Variants in RBFOX1 observed in about 807,000 individuals in gnomAD.
The protein encoded by RBFOX1 is RNA binding fox-1 homolog 1.
Under a neutral mutation model 57.7 loss-of-function variants are expected in RBFOX1, and 8 were observed. That is an observed-to-expected ratio of 0.14 (90% CI 0.08 to 0.25). RBFOX1 has a LOEUF of 0.25. Among genes scored for constraint, RBFOX1 ranks in the 10% least tolerant of loss-of-function variants. RBFOX1 has a pLI of 1.00. For missense variants in RBFOX1, 611 were observed against 548.5 expected (o/e 1.11, Z -1.14); for synonymous variants, 326 against 222.4 (o/e 1.47, Z -4.15).
chr16:6,408,897 A>G (rs1450706821), intron 2 of RBFOX1, among the ~76,000 whole-genome samples: 3 of 152,088 alleles, frequency 2.0e-5, no homozygotes, highest in Admixed American at 6.5e-5. Context: ...CTCTTCATGT[A>G]ATTAATCATT....
At chr16:6,659,596 A>G (rs2098688468) in intron 3 of RBFOX1, among the ~76,000 whole-genome samples, 1 of 152,144 alleles carries the variant, frequency 6.6e-6, no homozygotes, top group African/African-American at 2.4e-5. Flanking sequence ...TCACTCAAGC[A>G]TGAGACCAGG....
At chr16:5,549,546 C>G (rs1217702347) in intron 2 of RBFOX1, among the ~76,000 whole-genome samples, 1 of 152,148 alleles carries the variant, frequency 6.6e-6, no homozygotes, top group Non-Finnish European at 1.5e-5. Flanking sequence ...ACAGTCAGTT[C>G]TGTGATAGCG....
In RBFOX1 at chr16:5,310,260, G is replaced by A. The variant is rs557177645; in HGVS notation, c.219+70155G>A. Among the ~76,000 whole-genome samples the A allele has an allele frequency of 6.6e-5, 10 of 152,190 alleles. No homozygotes were observed. The South Asian group carries it at 1.9e-3, about 28-fold the overall frequency. Reference sequence around the variant, plus strand: ...CTACAAAAAATACAAAAATTAGCTGGGCATAGTAGTGCACACCTGTAGTCC... The same window carrying A: ...CTACAAAAAATACAAAAATTAGCTGAGCATAGTAGTGCACACCTGTAGTCC... On this transcript the variant is annotated intron_variant, in intron 1 of 2. Coordinates refer to the RBFOX1 transcript ENST00000585867.
chr16:5,485,345 C>CAAAAAAAAAAAAAAAAA (rs71142624), intron 2 of RBFOX1, among the ~76,000 whole-genome samples: 5 of 51,666 alleles, frequency 9.7e-5, no homozygotes, highest in African/African-American at 1.4e-4. Context: ...GACTCCGTGT[C>CAAAAAAAAAAAAAAAAA]AAAAAAAAAA....
At chr16:6,749,761 A>G (rs1021827695) in intron 3 of RBFOX1, among the ~76,000 whole-genome samples, 1 of 152,204 alleles carries the variant, frequency 6.6e-6, no homozygotes, top group African/African-American at 2.4e-5. Flanking sequence ...AAAGTTTTTC[A>G]GTGTTAACAG....
At chr16:5,523,162 T>G (rs868243199) in intron 2 of RBFOX1, among the ~76,000 whole-genome samples, 20 of 152,142 alleles carry the variant, frequency 1.3e-4, no homozygotes, top group Non-Finnish European at 1.2e-4. Flanking sequence ...GGTGCATGCC[T>G]GTAATTCCAG....
chr16:6,200,367 G>C (rs1444876108), intron 1 of RBFOX1, among the ~76,000 whole-genome samples: 2 of 151,866 alleles, frequency 1.3e-5, no homozygotes, highest in African/African-American at 4.8e-5. Flanking sequence ...GATGTAGTAG[G>C]GTCACCTGAT....
Position 6,174,184 on chromosome 16 carries a change from G to A in RBFOX1, c.-126-142811G>A, listed in dbSNP as rs370600731. On this transcript the variant is annotated intron_variant, in intron 1 of 15. Coordinates refer to ENST00000550418, the MANE Select transcript of RBFOX1 (RefSeq NM_018723.4). ...TGGGTACACTTTGCCTTTATTCCTC[G>A]AATTTGCTGGTTTTTTGGTTTCAGA... Among the ~76,000 whole-genome samples, 103 of 152,214 alleles carry A rather than the reference G, an allele frequency of 6.8e-4. 3 individuals are homozygous for A. In the South Asian group the frequency reaches 0.021, roughly 32 times the overall value.
At chr16:5,835,290 C>G (rs914267136) in intron 3 of RBFOX1, among the ~76,000 whole-genome samples, 12 of 152,154 alleles carry the variant, frequency 7.9e-5, no homozygotes, top group Non-Finnish European at 1.8e-4. Flanking sequence ...AGCCATGCGT[C>G]CCACCACATG....
intron 3 of RBFOX1, among the ~76,000 whole-genome samples, chr16:7,032,489 T>A (rs1420308665): frequency 6.6e-6 from 1 of 152,042 alleles, no homozygotes; most frequent in Non-Finnish European, 1.5e-5. Flanking sequence ...CCATCTTAAT[T>A]TTTTAAAGGA....
At chr16:6,927,734 C>T (rs1217479018) in intron 3 of RBFOX1, among the ~76,000 whole-genome samples, 1 of 151,942 alleles carries the variant, frequency 6.6e-6, no homozygotes, top group African/African-American at 2.4e-5. Flanking sequence ...AAGTCAGTGC[C>T]CTATGTAAGG....
intron 4 of RBFOX1, among the ~76,000 whole-genome samples, chr16:7,203,893 C>G (rs1343371753): frequency 1.3e-5 from 2 of 152,204 alleles, no homozygotes; most frequent in Non-Finnish European, 2.9e-5. Context: ...GGGCTGAAGT[C>G]AGAACTAGTC....
rs527611310 is a variant in RBFOX1, at chr16:6,897,070, G to T, written c.-15-154987G>T. On this transcript the variant is annotated intron_variant, in intron 3 of 15. Coordinates refer to ENST00000550418, the MANE Select transcript of RBFOX1 (RefSeq NM_018723.4). ...CTCCACACCTTCCTGAATGCTGGCA[G>T]CACCTGAGGAAGGGAGCAATGGATG... is the stretch of plus-strand genomic sequence containing the variant. Among the ~76,000 whole-genome samples, 167 of 152,270 alleles carry T rather than the reference G, an allele frequency of 1.1e-3. 1 individual carries two copies. The highest frequency in any genetic ancestry group is 7.8e-4 in the Admixed American group (12 of 15,294).
chr16:6,480,403 C>A lies in RBFOX1; in HGVS notation c.-64+163346C>A, dbSNP rs144920217. Reference sequence around the variant, plus strand: ...TGCAGATGAAGGCAGTCGTAGCAACCCATAAACAAATGGGCATAGCTATGT... The same window carrying A: ...TGCAGATGAAGGCAGTCGTAGCAACACATAAACAAATGGGCATAGCTATGT... On this transcript the variant is annotated intron_variant, in intron 2 of 15. Coordinates refer to ENST00000550418, the MANE Select transcript of RBFOX1 (RefSeq NM_018723.4). 6.6e-3 allele frequency among the ~76,000 whole-genome samples: 1,011 copies of A among 152,282 alleles called. 12 individuals are homozygous for A. Among genetic ancestry groups the A allele is most frequent in the African/African-American group, 0.022 (919 of 41,562 alleles).
At chr16:6,399,693 C>G (rs764537331) in intron 2 of RBFOX1, among the ~76,000 whole-genome samples, 8 of 152,056 alleles carry the variant, frequency 5.3e-5, no homozygotes, top group Non-Finnish European at 1.2e-4. Context: ...GCAGTGCACT[C>G]CACTACCTCA....
chr16:7,183,898 T>C (rs67187833), intron 4 of RBFOX1, among the ~76,000 whole-genome samples: 39,365 of 152,002 alleles, frequency 0.26, 5,821 homozygotes, highest in East Asian at 0.41. Context: ...GAGGGAGTAG[T>C]TTAAAGGGGA....
chr16:7,652,821 T>C (rs981147829), intron 11 of RBFOX1, among the ~76,000 whole-genome samples: 1 of 152,180 alleles, frequency 6.6e-6, no homozygotes, highest in Non-Finnish European at 1.5e-5. Context: ...CAGATGTTGG[T>C]AATAAGCTGT....
At chr16:6,740,508 A>C (rs768527500) in intron 3 of RBFOX1, among the ~76,000 whole-genome samples, 11 of 152,252 alleles carry the variant, frequency 7.2e-5, no homozygotes, top group Non-Finnish European at 1.5e-4. Flanking sequence ...TAAAACCCAC[A>C]CACATTTTGT....
chr16:5,906,214 G>T (rs568657560), intron 4 of RBFOX1, among the ~76,000 whole-genome samples: 2 of 152,286 alleles, frequency 1.3e-5, no homozygotes, highest in South Asian at 4.1e-4. Flanking sequence ...TTTGGAAATA[G>T]GGTTCTTGTA....
Sources: gnomAD v4.1 joint callset for allele counts (sites outside exome capture counted in the v4.1 genomes callset) on GRCh38, gnomAD v4.1.1 for gene constraint, MANE v1.5 for transcripts, NCBI Gene and HGNC (gene_info 2026-07-23, HGNC 2026-07-21) for gene names.